GUF1: variants seen among roughly 807,000 people sequenced by gnomAD.
GUF1 encodes the protein GTP binding elongation factor GUF1, also known as translation factor GUF1, mitochondrial.
In GUF1, 78 loss-of-function variants were observed where a neutral mutation model predicts 82.4. The observed-to-expected ratio is 0.95, with a 90% CI of 0.79 to 1.14. The LOEUF is 1.14. Ranked by LOEUF, GUF1 falls within the 50% of genes most tolerant of loss-of-function variation. The pLI is 0.00. For synonymous variants in GUF1, 279 were observed against 282.3 expected (o/e 0.99, Z 0.12); for missense variants, 814 against 798.2 (o/e 1.02, Z -0.24).
At position 44,691,779 on chromosome 4, in the gene GUF1, C is replaced by A. The variant is rs781133027; in HGVS notation, c.1593C>A (p.Ser531=). ...TAGATTTTTATGACTCTTTGAAATC[C>A]CTATCTTCTGGATATGCTAGGTAAA... is the stretch of plus-strand genomic sequence containing the variant. The part of the protein sequence containing the change: ...IVVDFYDSLK[S]LSSGYASFDY... The change falls in exon 13 of 17, where the codon TCC becomes TCA. Residue 531 remains serine, a synonymous_variant. Transcript: ENST00000281543. The A allele has an allele frequency of 2.5e-6, 4 of 1,590,430 alleles. No individual in the cohort carries two copies. In the Admixed American group the frequency reaches 7.0e-5, roughly 28 times the overall value.
At chr4:44,680,864 C>T (rs1465773132) in intron 3 of GUF1, 22 bp downstream of exon 3, 2 of 1,578,734 alleles carry the variant, frequency 1.3e-6, no homozygotes, top group African/African-American at 2.7e-5. Context: ...ATTAATTTTG[C>T]ATGTATTGTT....
chr4:44,687,043 C>T (rs901932807), intron 8 of GUF1, among the ~76,000 whole-genome samples: 1 of 151,864 alleles, frequency 6.6e-6, no homozygotes, highest in African/African-American at 2.4e-5. Context: ...GACATTTCTT[C>T]ATAACTAGAT....
Position 44,678,644 on chromosome 4 carries a change from G to T in GUF1, c.22G>T (p.Gly8Cys), listed in dbSNP as rs755979354. ...GGTCATGTGGACCCTCGTGGGTCGG[G>T]GCTGGGGGTGCGCACGCGCTCTCGC... MWTLVGR[G>C]WGCARALAPR... is the part of the protein sequence containing the mutation. The change falls in exon 1 of 17, where the codon GGC (glycine) becomes TGC (cysteine). Residue 8 changes from glycine to cysteine, a missense_variant. Transcript: ENST00000281543. The T allele has an allele frequency of 3.6e-5, 54 of 1,482,234 alleles. No homozygotes were observed. Among genetic ancestry groups the T allele is most frequent in the African/African-American group, 4.5e-5 (3 of 67,348 alleles). 91.8% of individuals were successfully genotyped at this position (1,482,234 alleles called of 1,614,324 possible).
chr4:44,681,102 A>G (rs1350424239), intron 3 of GUF1, 21 bp from the exon 4 acceptor site: 6 of 1,582,754 alleles, frequency 3.8e-6, no homozygotes, highest in South Asian at 3.3e-5. Flanking sequence ...ATTTACAGGT[A>G]TCAATATTTT....
Position 44,682,367 on chromosome 4 carries a change from CT to C in GUF1, c.543del (p.Ala182ProfsTer8). Reference protein sequence around the residue: ...IQAQTVANFFLAFEAQLSVIP... With the variant: ...IQAQTVANFFXAFEAQLSVIP... ...AGCCCAAACTGTAGCAAACTTCTTT[CT>C]TGCCTTCGAAGCACAGCTATCGGTA... On this transcript the variant is annotated frameshift_variant, in exon 5 of 17. Coordinates refer to ENST00000281543, the MANE Select transcript of GUF1 (RefSeq NM_021927.3). LOFTEE classifies it high-confidence loss of function. 6.5e-7 allele frequency: 1 copy of C among 1,543,378 alleles called. No homozygotes were observed. Among genetic ancestry groups the C allele is most frequent in the Non-Finnish European group, 8.7e-7 (1 of 1,146,092 alleles).
Position 44,698,866 on chromosome 4 carries a change from A to G in GUF1, c.*185A>G. 1.8e-6 allele frequency: 1 copy of G among 555,128 alleles called. No individual in the cohort carries two copies. Among genetic ancestry groups the G allele is most frequent in the Non-Finnish European group, 3.2e-6 (1 of 316,160 alleles). 34.4% of individuals were successfully genotyped at this position (555,128 alleles called of 1,614,324 possible). A position where few individuals can be genotyped will look rare whatever the true frequency, so the allele number is the denominator to read the frequency against. ...TTTGAAGCCATGTTGCCTGTTCTCA[A>G]ATATCTGTTCCAACCACTCACTAGT... On this transcript the variant is annotated 3_prime_UTR_variant, in exon 17 of 17. Transcript: ENST00000281543.
chr4:44,695,082 G>C (rs1379541934), intron 14 of GUF1, among the ~76,000 whole-genome samples: 1 of 152,114 alleles, frequency 6.6e-6, no homozygotes, highest in Non-Finnish European at 1.5e-5. Context: ...GGATTTACAG[G>C]CGTAAGCCAC....
chr4:44,679,731 G>A (rs1292395116), intron 1 of GUF1, among the ~76,000 whole-genome samples: 1 of 151,832 alleles, frequency 6.6e-6, no homozygotes, highest in Admixed American at 6.6e-5. Context: ...TAATTTCATG[G>A]TTTTGCTGAT....
At position 44,686,498 on chromosome 4, in the gene GUF1, T is replaced by TA. The variant is rs1464469171; in HGVS notation, c.735-11dup. ...AGTGTATATATATTTACTTTTTACT[T>TA]ATATTTACTAGTCCTAAAGTGCATC... On this transcript the variant is annotated splice_polypyrimidine_tract_variant and intron_variant, in intron 7 of 16. Transcript: ENST00000281543. 6.5e-7 allele frequency: 1 copy of TA among 1,547,860 alleles called. No homozygotes were observed. The highest frequency in any genetic ancestry group is 2.3e-5 in the East Asian group (1 of 44,342).
At chr4:44,690,999 C>CCTG in intron 12 of GUF1, 139 bp downstream of exon 12, 1 of 461,090 alleles carries the variant, frequency 2.2e-6, no homozygotes, top group Non-Finnish European at 3.8e-6. Context: ...CTGTCTATAT[C>CCTG]TATACACATA....
At chr4:44,689,630 T>C (rs1715296439) in intron 10 of GUF1, among the ~76,000 whole-genome samples, 1 of 151,840 alleles carries the variant, frequency 6.6e-6, no homozygotes, top group Admixed American at 6.6e-5. Context: ...GGATTGACAT[T>C]TTATGGGTAA....
rs759321884 is a variant in GUF1 at position 44,680,451 on chromosome 4, A to G, written c.176A>G (p.Asp59Gly). 1.9e-6 allele frequency: 3 copies of G among 1,584,492 alleles called. No individual in the cohort carries two copies. The highest frequency in any genetic ancestry group is 2.3e-5 in the South Asian group (2 of 88,106). ...YSSAEFKEKL[D>G]MSRFPVENIR... ...ATTTCCCCTTTCTAGGAAAAACTTG[A>G]CATGTCTAGGTTTCCTGTTGAAAAT... The change falls in exon 2 of 17, where the codon GAC (aspartate) becomes GGC (glycine). Residue 59 changes from aspartate (D) to glycine (G), a missense_variant. By Grantham distance (94) the Asp-to-Gly change is moderately conservative (BLOSUM62 -1). Coordinates refer to ENST00000281543, the MANE Select transcript of GUF1 (RefSeq NM_021927.3).
intron 13 of GUF1, among the ~76,000 whole-genome samples, chr4:44,692,407 T>TG (rs1715505786): frequency 6.6e-6 from 1 of 151,492 alleles, no homozygotes; most frequent in Non-Finnish European, 1.5e-5. Flanking sequence ...GAGGCTGTTT[T>TG]TTGTTGTTGT....
chr4:44,691,417 G>T (rs1055190899), intron 12 of GUF1, among the ~76,000 whole-genome samples: 1 of 151,730 alleles, frequency 6.6e-6, no homozygotes. Context: ...AAGAAATTAG[G>T]ACTTTTGACT....
chr4:44,685,620 T>G (rs1158042586), intron 6 of GUF1, among the ~76,000 whole-genome samples: 1 of 152,060 alleles, frequency 6.6e-6, no homozygotes, highest in Admixed American at 6.6e-5. Flanking sequence ...ACTTCATTTT[T>G]TAGATGATGA....
intron 8 of GUF1, 107 bp from the exon 9 acceptor site, chr4:44,687,899 GA>G: frequency 2.1e-6 from 2 of 932,018 alleles, no homozygotes; most frequent in Non-Finnish European, 3.2e-6. Flanking sequence ...AAAGTGTATG[GA>G]AAGTTTGGAA....
intron 13 of GUF1, among the ~76,000 whole-genome samples, chr4:44,693,263 A>G (rs914239593): frequency 3.9e-5 from 6 of 152,062 alleles, no homozygotes; most frequent in Non-Finnish European, 5.9e-5. Flanking sequence ...TATGTTTTCA[A>G]TAGAGGTTAG....
At chr4:44,694,264 G>C (rs368221181) in intron 13 of GUF1, 148 bp from the exon 14 acceptor site, 33 of 617,104 alleles carry the variant, frequency 5.3e-5, no homozygotes, top group East Asian at 5.0e-4. Context: ...CCATTCACAA[G>C]AAACTGTATA....
Position 44,695,618 on chromosome 4 carries a change from C to G in GUF1, c.1719C>G (p.Asp573Glu), listed in dbSNP as rs763028361. 6.2e-7 allele frequency: 1 copy of G among 1,608,518 alleles called. No individual in the cohort carries two copies. Among genetic ancestry groups the G allele is most frequent in the South Asian group, 1.1e-5 (1 of 89,796 alleles). ...VEELVTVVHKDKAHSIGKAIC... is the reference protein window; with the variant it reads ...VEELVTVVHKEKAHSIGKAIC... The stretch of plus-strand genomic sequence containing the variant: ...CAGTTGTATTTTTCTGTCTCAGAGA[C>G]AAAGCTCATTCAATTGGCAAAGCCA... Residue 573 changes from aspartate to glutamate, a missense_variant, in exon 15 of 17, where the codon GAC becomes GAG. Asp to Glu is a conservative substitution (Grantham distance 45). Coordinates refer to ENST00000281543, the MANE Select transcript of GUF1 (RefSeq NM_021927.3).
Sources: allele counts gnomAD v4.1 joint callset (sites outside exome capture counted in the v4.1 genomes callset), GRCh38; gene constraint gnomAD v4.1.1; transcripts MANE v1.5; gene names NCBI Gene and HGNC (gene_info 2026-07-23, HGNC 2026-07-21).